Variants in GALNT17 observed in about 807,000 individuals in gnomAD.
GALNT17 encodes UDP-GalNAc:polypeptide N-acetylgalactosaminyltransferase-like 3.
GALNT17 carries 29 observed loss-of-function variants against 63.7 expected under a neutral mutation model. That is an observed-to-expected ratio of 0.46 (90% CI 0.34 to 0.62). The LOEUF (loss-of-function observed/expected upper bound fraction) is 0.62, where lower values mean the gene tolerates loss of function less well. Ranked by LOEUF, GALNT17 falls within the 20% of genes least tolerant of loss-of-function variation. The pLI, the probability that GALNT17 is intolerant of heterozygous loss-of-function variation, is 0.01. For missense variants in GALNT17, 603 were observed against 799.6 expected (o/e 0.75, Z 2.97); for synonymous variants, 305 against 318.3 (o/e 0.96, Z 0.45).
At chr7:71,469,035 T>G (rs1787584644) in intron 5 of GALNT17, among the ~76,000 whole-genome samples, 1 of 152,000 alleles carries the variant, frequency 6.6e-6, no homozygotes. Flanking sequence ...CGTGCTCTGA[T>G]GGTAGAGAGC....
chr7:71,188,783 C>A (rs1194069295), intron 1 of GALNT17, among the ~76,000 whole-genome samples: 1 of 152,084 alleles, frequency 6.6e-6, no homozygotes, highest in African/African-American at 2.4e-5. Flanking sequence ...CTTTTGGGTT[C>A]CCAAGTCACT....
In GALNT17 at chr7:71,429,023, T is replaced by C. The variant is rs535464938; in HGVS notation, c.962+7918T>C. On this transcript the variant is annotated intron_variant, in intron 5 of 10. Transcript: ENST00000333538. The stretch of plus-strand genomic sequence containing the variant: ...CTTCTGGGAAACCCTCCTGACACCT[T>C]CTTTTCCTGGACTCCACTTACTTAT... 4.6e-5 allele frequency among the ~76,000 whole-genome samples: 7 copies of C among 152,336 alleles called. No homozygotes were observed. In the South Asian group the frequency reaches 1.2e-3, roughly 27 times the overall value.
chr7:71,295,920 T>G (rs1260002016), intron 1 of GALNT17, among the ~76,000 whole-genome samples: 2 of 151,576 alleles, frequency 1.3e-5, no homozygotes, highest in Non-Finnish European at 2.9e-5. Context: ...TTCTTGGGTT[T>G]TTTTTTTTTT....
chr7:71,599,600 T>G (rs1789936372), intron 6 of GALNT17, among the ~76,000 whole-genome samples: 1 of 151,980 alleles, frequency 6.6e-6, no homozygotes, highest in African/African-American at 2.4e-5. Flanking sequence ...CTGCCTGAGT[T>G]GAGGACCCTA....
At chr7:71,157,230 A>G (rs1788252602) in intron 1 of GALNT17, among the ~76,000 whole-genome samples, 1 of 152,022 alleles carries the variant, frequency 6.6e-6, no homozygotes, top group African/African-American at 2.4e-5. Flanking sequence ...TATCACCCCT[A>G]GTTCCCATAT....
intron 1 of GALNT17, among the ~76,000 whole-genome samples, chr7:71,188,489 G>A (rs1788893716): frequency 6.6e-6 from 1 of 152,136 alleles, no homozygotes; most frequent in Non-Finnish European, 1.5e-5. Flanking sequence ...TAGTGATGCT[G>A]AGCATTTTTT....
At chr7:71,607,264 A>G (rs1205131853) in intron 6 of GALNT17, among the ~76,000 whole-genome samples, 1 of 152,208 alleles carries the variant, frequency 6.6e-6, no homozygotes. Flanking sequence ...GAGAAACTAA[A>G]GGAGTTCATC....
At chr7:71,251,808 G>A (rs780004325) in intron 1 of GALNT17, among the ~76,000 whole-genome samples, 1 of 152,206 alleles carries the variant, frequency 6.6e-6, no homozygotes, top group Non-Finnish European at 1.5e-5. Flanking sequence ...AAAAGCGTCA[G>A]CTCTGCCCTG....
At chr7:71,524,116 CAAAGAA>C (rs200001930) in intron 5 of GALNT17, among the ~76,000 whole-genome samples, 1 of 150,308 alleles carries the variant, frequency 6.7e-6, no homozygotes, top group Non-Finnish European at 1.5e-5. Context: ...GAATGTGTCT[CAAAGAA>C]AAAGAAAAAG....
intron 5 of GALNT17, among the ~76,000 whole-genome samples, chr7:71,424,489 G>T (rs1438531090): frequency 6.6e-6 from 1 of 152,174 alleles, no homozygotes; most frequent in Non-Finnish European, 1.5e-5. Flanking sequence ...CAAAAAGTTA[G>T]CTTGTATTTC....
At chr7:71,291,473 A>AT (rs1790978868) in intron 1 of GALNT17, among the ~76,000 whole-genome samples, 3 of 151,982 alleles carry the variant, frequency 2.0e-5, no homozygotes, top group Non-Finnish European at 2.9e-5. Context: ...AAACTGTCTA[A>AT]CAATATTCAG....
In GALNT17 at chr7:71,254,426, C is replaced by T. The variant is rs546063916; in HGVS notation, c.239-81124C>T. Among the ~76,000 whole-genome samples, 70 of 152,254 alleles carry T rather than the reference C, an allele frequency of 4.6e-4. 1 individual carries two copies. The highest frequency in any genetic ancestry group is 1.6e-3 in the African/African-American group (67 of 41,554). ...CCCTACAAGAGATAGCTTTGCAGTGCCGTTTCAAAATATGTCAAGGAAATA... is the reference window on the plus strand; with the variant it reads ...CCCTACAAGAGATAGCTTTGCAGTGTCGTTTCAAAATATGTCAAGGAAATA... On this transcript the variant is annotated intron_variant, in intron 1 of 10. Coordinates refer to ENST00000333538, the MANE Select transcript of GALNT17 (RefSeq NM_022479.3).
At chr7:71,332,975 A>G (rs145112549) in intron 1 of GALNT17, among the ~76,000 whole-genome samples, 46 of 152,350 alleles carry the variant, frequency 3.0e-4, no homozygotes, top group Middle Eastern at 6.8e-3. Context: ...GGCGTGAGCC[A>G]TGGCCCCCAG....
chr7:71,489,253 C>T (rs1404366906), intron 5 of GALNT17, among the ~76,000 whole-genome samples: 1 of 152,132 alleles, frequency 6.6e-6, no homozygotes, highest in Non-Finnish European at 1.5e-5. Context: ...AGGGGCCACA[C>T]TCTAAGAACC....
intron 2 of GALNT17, among the ~76,000 whole-genome samples, chr7:71,384,936 A>G (rs1447780940): frequency 6.6e-6 from 1 of 152,146 alleles, no homozygotes; most frequent in Non-Finnish European, 1.5e-5. Flanking sequence ...TGTTGTAGAT[A>G]CTTCGTTTGA....
chr7:71,168,703 GTA>G (rs1788491059), intron 1 of GALNT17, among the ~76,000 whole-genome samples: 1 of 82,250 alleles, frequency 1.2e-5, no homozygotes, highest in Non-Finnish European at 2.5e-5. Flanking sequence ...ATAGTTACGT[GTA>G]TGTGTGTGTG....
intron 1 of GALNT17, among the ~76,000 whole-genome samples, chr7:71,264,408 C>A (rs376424025): frequency 1.3e-5 from 2 of 152,090 alleles, no homozygotes; most frequent in African/African-American, 4.8e-5. Context: ...AAGACAGTCA[C>A]GTTATTGAAC....
intron 6 of GALNT17, among the ~76,000 whole-genome samples, chr7:71,611,053 C>T (rs1790118058): frequency 6.6e-6 from 1 of 151,906 alleles, no homozygotes; most frequent in Non-Finnish European, 1.5e-5. Context: ...CTTTTGTCTC[C>T]ACTGTCTTCT....
intron 6 of GALNT17, among the ~76,000 whole-genome samples, chr7:71,628,426 A>G (rs1023649379): frequency 1.3e-5 from 2 of 151,998 alleles, no homozygotes; most frequent in Non-Finnish European, 2.9e-5. Context: ...GGGCTCAAGC[A>G]ATTATCCTGC....
Sources: gnomAD v4.1 joint callset for allele counts (sites outside exome capture counted in the v4.1 genomes callset) on GRCh38, gnomAD v4.1.1 for gene constraint, MANE v1.5 for transcripts, NCBI Gene and HGNC (gene_info 2026-07-23, HGNC 2026-07-21) for gene names.